Variants in USP14 observed in about 807,000 individuals in gnomAD.
USP14 encodes ubiquitin carboxyl-terminal hydrolase 14.
USP14 carries 38 observed loss-of-function variants against 76.5 expected under a neutral mutation model. The observed-to-expected ratio is 0.50, with a 90% CI of 0.38 to 0.65. The LOEUF (loss-of-function observed/expected upper bound fraction) is 0.65. USP14 is among the 30% of genes least tolerant of loss of function. The probability of loss-of-function intolerance (pLI) is 0.00; values close to 1 mark genes in which losing one functional copy is unlikely to be tolerated. For synonymous variants in USP14, 192 were observed against 191.7 expected (o/e 1.00, Z -0.01); for missense variants, 467 against 586.5 (o/e 0.80, Z 2.10).
intron 3 of USP14, among the ~76,000 whole-genome samples, chr18:171,021 AAAAAATATAT>A (rs1375777070): frequency 0.028 from 2,385 of 84,360 alleles, 35 homozygotes; most frequent in Non-Finnish European, 0.038. Flanking sequence ...AAAAAAAAAA[AAAAAATATAT>A]ATATATATAT....
chr18:205,130 C>G (rs930153057), intron 13 of USP14, among the ~76,000 whole-genome samples: 2 of 152,082 alleles, frequency 1.3e-5, no homozygotes, highest in Non-Finnish European at 2.9e-5. Context: ...CCCACCTAGG[C>G]CTCCCAGAGT....
intron 2 of USP14, among the ~76,000 whole-genome samples, chr18:164,118 A>G (rs1457011758): frequency 6.6e-6 from 1 of 152,188 alleles, no homozygotes; most frequent in East Asian, 1.9e-4. Context: ...AGAGTGGAAC[A>G]CTTTACAGTT....
At position 169,718 on chromosome 18, in the gene USP14, A is replaced by G. The variant is rs111846918; in HGVS notation, c.195+2899A>G. ...GGTTTGTGGCCACCTTGCATCGAGC[A>G]AGTTTATAGGCACCATTTTTCCAGC... On this transcript the variant is annotated intron_variant, in intron 3 of 15. Transcript: ENST00000261601. 3.2e-3 allele frequency among the ~76,000 whole-genome samples: 492 copies of G among 152,302 alleles called. 1 individual carries two copies. Among genetic ancestry groups the G allele is most frequent in the African/African-American group, 0.011 (474 of 41,552 alleles).
chr18:174,560 C>A (rs1450296466), intron 3 of USP14, among the ~76,000 whole-genome samples: 1 of 151,618 alleles, frequency 6.6e-6, no homozygotes, highest in African/African-American at 2.4e-5. Context: ...GCCACTGCAC[C>A]CGGCTTATTT....
chr18:199,144 C>A, intron 9 of USP14, 58 bp from the exon 10 acceptor site: 2 of 1,063,300 alleles, frequency 1.9e-6, no homozygotes, highest in Non-Finnish European at 2.8e-6. Flanking sequence ...GTATTATATT[C>A]AAGAGTATAT....
At chr18:164,195 A>G (rs1280222547) in intron 2 of USP14, among the ~76,000 whole-genome samples, 1 of 152,134 alleles carries the variant, frequency 6.6e-6, no homozygotes, top group Non-Finnish European at 1.5e-5. Context: ...TTTTGTTTAG[A>G]CTAAAATGAA....
chr18:166,892 C>CT (rs1251242587), intron 3 of USP14, 73 bp downstream of exon 3: 7 of 1,404,252 alleles, frequency 5.0e-6, no homozygotes, highest in Middle Eastern at 1.8e-4. Flanking sequence ...TTCCAGATGA[C>CT]TTTTTTTCAT....
intron 12 of USP14, among the ~76,000 whole-genome samples, chr18:203,825 C>G (rs1910453353): frequency 6.6e-6 from 1 of 152,006 alleles, no homozygotes; most frequent in Non-Finnish European, 1.5e-5. Flanking sequence ...GTCTCAATCT[C>G]CTGACCTCTT....
intron 3 of USP14, among the ~76,000 whole-genome samples, chr18:167,911 A>G (rs762266167): frequency 6.6e-6 from 1 of 151,626 alleles, no homozygotes; most frequent in Middle Eastern, 3.4e-3. Flanking sequence ...GCTAGAATGT[A>G]AAAATACAAT....
chr18:185,415 A>G (rs1909901738), intron 5 of USP14, among the ~76,000 whole-genome samples: 2 of 152,146 alleles, frequency 1.3e-5, no homozygotes, highest in Non-Finnish European at 1.5e-5. Context: ...TCAGCCTCCC[A>G]AAGTGCTGGG....
chr18:171,024 AAATAT>A (rs1328736861), intron 3 of USP14, among the ~76,000 whole-genome samples: 17 of 58,838 alleles, frequency 2.9e-4, no homozygotes, highest in African/African-American at 8.4e-4. Context: ...AAAAAAAAAA[AAATAT>A]ATATATATAT....
Sources: allele counts gnomAD v4.1 joint callset (sites outside exome capture counted in the v4.1 genomes callset), GRCh38; gene constraint gnomAD v4.1.1; transcripts MANE v1.5; gene names NCBI Gene and HGNC (gene_info 2026-07-23, HGNC 2026-07-21).